DIAPH2: variants seen among roughly 807,000 people sequenced by gnomAD.
The protein encoded by DIAPH2 is protein diaphanous homolog 2.
Under a neutral mutation model 92.7 loss-of-function variants are expected in DIAPH2, and 35 were observed. That is an observed-to-expected ratio of 0.38 (90% CI 0.29 to 0.50). DIAPH2 has a LOEUF of 0.50. Ranked by LOEUF, DIAPH2 falls within the 20% of genes least tolerant of loss-of-function variation. The pLI is 0.94. For synonymous variants in DIAPH2, 301 were observed against 280.4 expected, an observed-to-expected ratio of 1.07 and a Z score of -0.73; for missense variants, 701 against 819.5, an observed-to-expected ratio of 0.86 and a Z score of 1.77.
chrX:97,104,853 A>G (rs977014178), intron 20 of DIAPH2, among the ~76,000 whole-genome samples: 1 of 112,213 alleles, frequency 8.9e-6, no homozygotes, highest in Non-Finnish European at 1.9e-5. Flanking sequence ...TAATTAACAA[A>G]TTGGCTGGTC....
chrX:96,814,172 A>G (rs1243988290), intron 4 of DIAPH2, among the ~76,000 whole-genome samples: 1 of 111,580 alleles, frequency 9.0e-6, no homozygotes, highest in African/African-American at 3.3e-5. Flanking sequence ...AAACAAACGT[A>G]GATTTGGTCT....
intron 26 of DIAPH2, among the ~76,000 whole-genome samples, chrX:97,499,507 C>T (rs1407633962): frequency 8.9e-6 from 1 of 111,733 alleles, no homozygotes; most frequent in Non-Finnish European, 1.9e-5. Context: ...ACTTGTCACT[C>T]AAATAGTGAC....
chrX:97,480,166 A>T (rs2070640889), intron 26 of DIAPH2, among the ~76,000 whole-genome samples: 1 of 111,486 alleles, frequency 9.0e-6, no homozygotes, highest in African/African-American at 3.3e-5. Flanking sequence ...ATGAGGGTGC[A>T]CCCTAAATCC....
At chrX:97,124,018 T>C (rs2067075079) in intron 21 of DIAPH2, among the ~76,000 whole-genome samples, 1 of 112,202 alleles carries the variant, frequency 8.9e-6, no homozygotes, top group African/African-American at 3.2e-5. Context: ...CCTCAATTTT[T>C]CCAAATGGTC....
intron 23 of DIAPH2, among the ~76,000 whole-genome samples, chrX:97,277,565 A>G (rs909955142): frequency 9.0e-6 from 1 of 110,885 alleles, no homozygotes; most frequent in Admixed American, 9.7e-5. Flanking sequence ...TACAGACTGT[A>G]TAGAGTTTCT....
chrX:96,767,582 A>C (rs2064311884), intron 4 of DIAPH2, among the ~76,000 whole-genome samples: 1 of 112,072 alleles, frequency 8.9e-6, no homozygotes, highest in South Asian at 3.7e-4. Context: ...CTTGATATGA[A>C]AGACATAAAA....
chrX:96,879,954 C>CCTGA (rs2065202729), intron 4 of DIAPH2, among the ~76,000 whole-genome samples: 1 of 111,167 alleles, frequency 9.0e-6, no homozygotes, highest in African/African-American at 3.3e-5. Flanking sequence ...ATTTCGAACC[C>CCTGA]CTGACCTCAA....
At chrX:97,242,417 G>A (rs2068103757) in intron 22 of DIAPH2, among the ~76,000 whole-genome samples, 2 of 109,578 alleles carry the variant, frequency 1.8e-5, no homozygotes, top group African/African-American at 6.7e-5. Flanking sequence ...AGGCTGGAGT[G>A]CAGTGGCACG....
At chrX:97,419,003 C>T (rs1372094155) in intron 25 of DIAPH2, among the ~76,000 whole-genome samples, 1 of 111,308 alleles carries the variant, frequency 9.0e-6, no homozygotes, top group African/African-American at 3.3e-5. Context: ...GTGATGAGGC[C>T]TTGTTTTACT....
chrX:97,303,677 A>C (rs1047673804), intron 23 of DIAPH2, among the ~76,000 whole-genome samples: 16 of 112,134 alleles, frequency 1.4e-4, no homozygotes, highest in African/African-American at 5.2e-4. Context: ...ATCTGTGGCA[A>C]ATAAGTTGTG....
At position 96,810,752 on chromosome X, in the gene DIAPH2, C is replaced by T. The variant is rs183966694; in HGVS notation, c.447+52494C>T. On this transcript the variant is annotated intron_variant, in intron 4 of 26. Coordinates refer to ENST00000324765, the MANE Select transcript of DIAPH2 (RefSeq NM_006729.5). ...TTCTACATATGGCTAGCCAGTTTTC[C>T]CAGCACCATTTATTAAATAGGGAAT... Among the ~76,000 whole-genome samples, 169 of 111,357 alleles carry T rather than the reference C, an allele frequency of 1.5e-3. 2 individuals carry two copies. The East Asian group carries it at 0.044, about 29-fold the overall frequency.
At chrX:97,147,286 A>G (rs761027226) in intron 22 of DIAPH2, among the ~76,000 whole-genome samples, 1 of 107,571 alleles carries the variant, frequency 9.3e-6, no homozygotes, top group South Asian at 4.2e-4. Context: ...AATGGTTGTT[A>G]CAGAGACTTT....
At chrX:97,230,800 G>T (rs1203720852) in intron 22 of DIAPH2, among the ~76,000 whole-genome samples, 6 of 112,184 alleles carry the variant, frequency 5.3e-5, no homozygotes, top group African/African-American at 1.9e-4. Context: ...ACCCGCCTTG[G>T]CCTCCCAACG....
chrX:97,379,364 C>T (rs939373931), intron 24 of DIAPH2, among the ~76,000 whole-genome samples: 4 of 112,106 alleles, frequency 3.6e-5, no homozygotes, highest in South Asian at 3.7e-4. Context: ...TCTTGCTGTT[C>T]AAACTTTTAA....
intron 26 of DIAPH2, among the ~76,000 whole-genome samples, chrX:97,555,652 C>T (rs189680765): frequency 9.0e-6 from 1 of 111,465 alleles, no homozygotes; most frequent in African/African-American, 3.3e-5. Context: ...AGAAAAGGAA[C>T]TTTTAAATGA....
At chrX:97,430,865 A>T (rs1232456515) in intron 26 of DIAPH2, among the ~76,000 whole-genome samples, 1 of 112,169 alleles carries the variant, frequency 8.9e-6, no homozygotes, top group Non-Finnish European at 1.9e-5. Context: ...ATCCTGATGG[A>T]TATTGGATAA....
chrX:97,082,128 G>A (rs918729886), intron 19 of DIAPH2, among the ~76,000 whole-genome samples: 3 of 108,158 alleles, frequency 2.8e-5, no homozygotes, highest in South Asian at 4.0e-4. Context: ...AAAAAATTGA[G>A]CCTATTTACA....
intron 22 of DIAPH2, among the ~76,000 whole-genome samples, chrX:97,180,610 T>C (rs2067531368): frequency 8.9e-6 from 1 of 111,815 alleles, no homozygotes; most frequent in Non-Finnish European, 1.9e-5. Context: ...ATTGCCTAGG[T>C]TTTCTTCTAG....
intron 5 of DIAPH2, among the ~76,000 whole-genome samples, chrX:96,890,001 A>G (rs1243798380): frequency 1.8e-5 from 2 of 111,407 alleles, no homozygotes; most frequent in Non-Finnish European, 1.9e-5. Flanking sequence ...GAGAGTTTTG[A>G]GGAATGGAAT....
Sources: gnomAD v4.1 joint callset for allele counts (sites outside exome capture counted in the v4.1 genomes callset) on GRCh38, gnomAD v4.1.1 for gene constraint, MANE v1.5 for transcripts, NCBI Gene and HGNC (gene_info 2026-07-23, HGNC 2026-07-21) for gene names.